The following PKIB variants were observed in gnomAD, a reference collection of about 807,000 sequenced individuals.
PKIB encodes cAMP-dependent protein kinase inhibitor beta, also known as PKI-beta.
In PKIB, 2 loss-of-function variants were observed where a neutral mutation model predicts 4.5. That is an observed-to-expected ratio of 0.44 (90% confidence interval 0.18 to 1.39). PKIB has a LOEUF of 1.39. Ranked by LOEUF, PKIB falls within the 40% of genes most tolerant of loss-of-function variation. The pLI, the probability that PKIB is intolerant of heterozygous loss-of-function variation, is 0.27. For missense variants in PKIB, 94 were observed against 92.6 expected (o/e 1.02, Z -0.06); for synonymous variants, 38 against 36.0 (o/e 1.06, Z -0.20).
Position 122,613,959 on chromosome 6 carries a change from CAA to C in PKIB, c.-161+3444_-161+3445del, listed in dbSNP as rs67112737. 2.5e-3 allele frequency among the ~76,000 whole-genome samples: 193 copies of C among 77,392 alleles called. 2 individuals carry two copies. The East Asian group carries it at 0.057, about 23-fold the overall frequency. The allele number at this position is 77,392 out of a possible 152,430, so 50.8% of individuals were successfully genotyped here. On this transcript the variant is annotated intron_variant, in intron 1 of 4. Coordinates refer to ENST00000368452, the MANE Select transcript of PKIB (RefSeq NM_181795.3). Reference sequence around the variant, plus strand: ...GCCTGGTGACAGAGTGAGACTCCATCAAAAAAAAAAAAAAAAAAAAAGAATTA... The same window carrying C: ...GCCTGGTGACAGAGTGAGACTCCATCAAAAAAAAAAAAAAAAAAAGAATTA...
intron 2 of PKIB, among the ~76,000 whole-genome samples, chr6:122,513,519 A>C (rs1018493724): frequency 6.6e-6 from 1 of 152,184 alleles, no homozygotes; most frequent in Non-Finnish European, 1.5e-5. Flanking sequence ...TTGCTACAAG[A>C]GTATTGTGAG....
chr6:122,581,811 G>C (rs1018984529), intron 2 of PKIB: 1 of 151,934 alleles, frequency 6.6e-6, no homozygotes, highest in Non-Finnish European at 1.5e-5. Context: ...TGACTACCGA[G>C]TCAACATTCA....
In PKIB at chr6:122,722,363, A is replaced by G. The variant is rs531182947; in HGVS notation, c.170-2765A>G. Among the ~76,000 whole-genome samples the G allele has an allele frequency of 2.3e-4, 35 of 152,300 alleles. 1 individual carries two copies. In the South Asian group the frequency reaches 7.2e-3, roughly 32 times the overall value. ...ATTTTAGTTAATAATCCTGAGCAAG[A>G]TACTAGATTGACAATAAATGATATC... On this transcript the variant is annotated intron_variant, in intron 4 of 4. Coordinates refer to ENST00000368452, the MANE Select transcript of PKIB (RefSeq NM_181795.3).
intron 2 of PKIB, among the ~76,000 whole-genome samples, chr6:122,578,156 G>T (rs1000717314): frequency 1.3e-5 from 2 of 152,060 alleles, no homozygotes; most frequent in Non-Finnish European, 1.5e-5. Flanking sequence ...CAGGAAGATG[G>T]ATTCTACTTT....
At chr6:122,605,698 A>G (rs971308871), upstream of PKIB, among the ~76,000 whole-genome samples, 2 of 152,130 alleles carry the variant, frequency 1.3e-5, no homozygotes, top group South Asian at 2.1e-4. Flanking sequence ...AGGGAAGCCA[A>G]CTTCCTCAGT....
chr6:122,580,817 G>A (rs760842255), intron 2 of PKIB, among the ~76,000 whole-genome samples: 1 of 152,148 alleles, frequency 6.6e-6, no homozygotes, highest in Non-Finnish European at 1.5e-5. Context: ...GAAACAGGAA[G>A]GGTTGTTTGT....
At position 122,594,050 on chromosome 6, in the gene PKIB, T is replaced by G. The variant is rs9482257; in HGVS notation, c.-161+8043T>G. Among the ~76,000 whole-genome samples, 19 of 152,164 alleles carry G rather than the reference T, an allele frequency of 1.2e-4. No homozygotes were observed. In the East Asian group the frequency reaches 2.1e-3, roughly 17 times the overall value. ...CTTCAAATGAAGACAATAATGAGGT[T>G]GTAATTATGCCTAACATAATACAAC... On this transcript the variant is annotated intron_variant, in intron 3 of 6. Transcript: ENST00000392491.
intron 1 of PKIB, among the ~76,000 whole-genome samples, chr6:122,623,100 C>T (rs1410882938): frequency 6.6e-6 from 1 of 152,186 alleles, no homozygotes; most frequent in Non-Finnish European, 1.5e-5. Context: ...TTACTTTGGT[C>T]ATGTGGGCCT....
intron 2 of PKIB, among the ~76,000 whole-genome samples, chr6:122,561,280 C>T (rs1773005026): frequency 6.6e-6 from 1 of 152,004 alleles, no homozygotes; most frequent in African/African-American, 2.4e-5. Flanking sequence ...AAATTTCCAT[C>T]TTGATTTCGT....
At chr6:122,632,938 C>T (rs1395835539) in intron 1 of PKIB, among the ~76,000 whole-genome samples, 1 of 152,144 alleles carries the variant, frequency 6.6e-6, no homozygotes, top group East Asian at 1.9e-4. Context: ...TCTGACTGTT[C>T]ATGTTACACA....
chr6:122,609,911 C>G (rs1395992432), upstream of PKIB, among the ~76,000 whole-genome samples: 1 of 152,144 alleles, frequency 6.6e-6, no homozygotes, highest in Non-Finnish European at 1.5e-5. Flanking sequence ...AGATTCGGGG[C>G]GTAGATAAGC....
intron 2 of PKIB, among the ~76,000 whole-genome samples, chr6:122,583,172 A>G (rs1773753569): frequency 6.6e-6 from 1 of 152,056 alleles, no homozygotes; most frequent in Non-Finnish European, 1.5e-5. Context: ...GCTTTAGTGA[A>G]GATTATTTTG....
intron 2 of PKIB, among the ~76,000 whole-genome samples, chr6:122,504,871 C>T (rs974565442): frequency 3.3e-5 from 5 of 152,006 alleles, no homozygotes; most frequent in Non-Finnish European, 7.4e-5. Context: ...CAACACCATC[C>T]GTAGGGTATC....
chr6:122,530,051 A>G (rs1190619590), intron 2 of PKIB, among the ~76,000 whole-genome samples: 2 of 151,570 alleles, frequency 1.3e-5, no homozygotes, highest in Non-Finnish European at 2.9e-5. Context: ...CTCTCCTCCT[A>G]GTATTCTCAT....
chr6:122,724,826 C>G (rs1779892895), intron 4 of PKIB, among the ~76,000 whole-genome samples: 1 of 152,100 alleles, frequency 6.6e-6, no homozygotes, highest in African/African-American at 2.4e-5. Context: ...ACTCACTAGT[C>G]TCTGACTTTG....
At position 122,625,145 on chromosome 6, in the gene PKIB, G is replaced by A. The variant is rs1775383253; in HGVS notation, c.-160-8138G>A. Among the ~76,000 whole-genome samples the A allele has an allele frequency of 2.6e-5, 4 of 152,218 alleles. 1 individual carries two copies. In the South Asian group the frequency reaches 8.3e-4, roughly 32 times the overall value. On this transcript the variant is annotated intron_variant, in intron 1 of 4. Transcript: ENST00000368452. Reference sequence around the variant, plus strand: ...ACCTTGCCTATTAAAAATGTTTATGGTTTTGACTTGAATCTAAGAAGACAA... The same window carrying A: ...ACCTTGCCTATTAAAAATGTTTATGATTTTGACTTGAATCTAAGAAGACAA...
At chr6:122,639,916 C>A (rs1049069137) in intron 2 of PKIB, among the ~76,000 whole-genome samples, 7 of 151,982 alleles carry the variant, frequency 4.6e-5, no homozygotes, top group African/African-American at 1.7e-4. Context: ...TTGTTGAAAC[C>A]ATTGATGTGG....
chr6:122,682,728 A>C (rs2114977783), intron 3 of PKIB, among the ~76,000 whole-genome samples: 1 of 152,080 alleles, frequency 6.6e-6, no homozygotes, highest in South Asian at 2.1e-4. Flanking sequence ...CCAAAGAGAG[A>C]CTTCTGCTGT....
intron 2 of PKIB, among the ~76,000 whole-genome samples, chr6:122,663,526 A>G (rs1344181334): frequency 1.3e-5 from 2 of 152,180 alleles, no homozygotes; most frequent in East Asian, 3.9e-4. Context: ...GCCTAAACTC[A>G]AAGTGTTGCC....
Sources: allele counts gnomAD v4.1 joint callset (sites outside exome capture counted in the v4.1 genomes callset), GRCh38; gene constraint gnomAD v4.1.1; transcripts MANE v1.5; gene names NCBI Gene and HGNC (gene_info 2026-07-23, HGNC 2026-07-21).